The following COL15A1 variants were observed in gnomAD, a reference collection of about 807,000 sequenced individuals.
COL15A1 encodes collagen alpha-1(XV) chain.
Under a neutral mutation model 165.9 loss-of-function variants are expected in COL15A1, and 111 were observed. That is an observed-to-expected ratio of 0.67 (90% CI 0.57 to 0.78). The LOEUF (loss-of-function observed/expected upper bound fraction) is 0.78. Among genes scored for constraint, COL15A1 ranks in the 30% least tolerant of loss-of-function variants. The pLI, the probability that COL15A1 is intolerant of heterozygous loss-of-function variation, is 0.00. For synonymous variants in COL15A1, 659 were observed against 674.8 expected (o/e 0.98, Z 0.36); for missense variants, 1,745 against 1,789.7 (o/e 0.98, Z 0.45).
chr9:98,991,139 A>G (rs924117837), intron 5 of COL15A1, among the ~76,000 whole-genome samples: 2 of 152,198 alleles, frequency 1.3e-5, no homozygotes, highest in Non-Finnish European at 2.9e-5. Context: ...GTGCGGACCC[A>G]AAGACACTAA....
intron 2 of COL15A1, among the ~76,000 whole-genome samples, chr9:98,984,123 C>T (rs751091888): frequency 2.0e-5 from 3 of 152,248 alleles, no homozygotes; most frequent in Non-Finnish European, 4.4e-5. Context: ...CTGATCCTCA[C>T]TCATTCCAGG....
At chr9:99,021,432 T>A (rs1292060014) in intron 12 of COL15A1, among the ~76,000 whole-genome samples, 1 of 152,170 alleles carries the variant, frequency 6.6e-6, no homozygotes, top group African/African-American at 2.4e-5. Context: ...CTCCTTTTGG[T>A]GGATCTGGCC....
At chr9:98,946,085 C>A (rs1355155085) in intron 2 of COL15A1, among the ~76,000 whole-genome samples, 1 of 152,248 alleles carries the variant, frequency 6.6e-6, no homozygotes, top group Non-Finnish European at 1.5e-5. Context: ...TGTAAACTAT[C>A]CTCCTGCAAA....
At chr9:98,978,430 G>T (rs554338393) in intron 2 of COL15A1, among the ~76,000 whole-genome samples, 1 of 152,188 alleles carries the variant, frequency 6.6e-6, no homozygotes, top group African/African-American at 2.4e-5. Context: ...GGAATTTTCC[G>T]AGCAGAAAGA....
chr9:99,049,787 C>A, intron 29 of COL15A1, 29 bp downstream of exon 29: 1 of 1,614,238 alleles, frequency 6.2e-7, no homozygotes, highest in Non-Finnish European at 8.5e-7. Context: ...GGAAGACCTT[C>A]CCGATTGGCC....
intron 10 of COL15A1, 86 bp downstream of exon 10, chr9:99,015,652 G>A (rs891837920): frequency 7.5e-7 from 1 of 1,336,776 alleles, no homozygotes. Flanking sequence ...GCCTTGGCAG[G>A]GGCACCTGTA....
chr9:98,954,751 A>G (rs1001774751), intron 2 of COL15A1, among the ~76,000 whole-genome samples: 4 of 152,188 alleles, frequency 2.6e-5, no homozygotes, highest in African/African-American at 7.2e-5. Flanking sequence ...ATAATAATTT[A>G]TACTCCCTGC....
intron 7 of COL15A1, among the ~76,000 whole-genome samples, chr9:99,002,716 T>C (rs1189660138): frequency 1.3e-5 from 2 of 152,248 alleles, no homozygotes; most frequent in Non-Finnish European, 2.9e-5. Context: ...TAATATATTT[T>C]ATGAAAAAGG....
chr9:99,025,811 C>A, intron 15 of COL15A1, 93 bp from the exon 16 acceptor site: 1 of 1,390,300 alleles, frequency 7.2e-7, no homozygotes, highest in Non-Finnish European at 1.0e-6. Flanking sequence ...CCAGCCTCAC[C>A]TGCCTCCCAA....
At chr9:99,068,199 T>C (rs1243904070) in intron 40 of COL15A1, among the ~76,000 whole-genome samples, 1 of 152,076 alleles carries the variant, frequency 6.6e-6, no homozygotes, top group Non-Finnish European at 1.5e-5. Context: ...AGTGTGGTGG[T>C]GCATGCCTGT....
At chr9:99,041,000 G>T (rs372199189) in intron 23 of COL15A1, 3 of 174,534 alleles carry the variant, frequency 1.7e-5, no homozygotes, top group Non-Finnish European at 3.7e-5. Flanking sequence ...CTCCAGCCCC[G>T]GCTTGGCTGC....
At chr9:99,009,233 A>G (rs1189942565) in intron 9 of COL15A1, among the ~76,000 whole-genome samples, 1 of 152,274 alleles carries the variant, frequency 6.6e-6, no homozygotes, top group African/African-American at 2.4e-5. Flanking sequence ...AAAAGTGTTG[A>G]AACAGTCATA....
At chr9:98,975,122 T>G (rs1588497964) in intron 2 of COL15A1, among the ~76,000 whole-genome samples, 1 of 152,208 alleles carries the variant, frequency 6.6e-6, no homozygotes, top group East Asian at 1.9e-4. Context: ...TCCCGGGGCG[T>G]CCTCAGCCTC....
intron 2 of COL15A1, among the ~76,000 whole-genome samples, chr9:98,979,813 G>C (rs928480037): frequency 6.6e-6 from 1 of 152,090 alleles, no homozygotes; most frequent in African/African-American, 2.4e-5. Context: ...CTGAGTTCAT[G>C]GCCAGCAAAC....
At chr9:99,055,073 G>A (rs370297283) in intron 32 of COL15A1, 29 bp from the exon 33 acceptor site, 5 of 1,587,388 alleles carry the variant, frequency 3.1e-6, no homozygotes, top group South Asian at 1.1e-5. Flanking sequence ...AATTACAATC[G>A]TGAATTTTAC....
chr9:98,953,551 T>A (rs1837725631), intron 2 of COL15A1, among the ~76,000 whole-genome samples: 1 of 151,850 alleles, frequency 6.6e-6, no homozygotes, highest in South Asian at 2.1e-4. Flanking sequence ...ACCAAACCCA[T>A]CCCAACCCAA....
At chr9:99,003,320 G>A in intron 7 of COL15A1, 133 bp from the exon 8 acceptor site, 1 of 658,352 alleles carries the variant, frequency 1.5e-6, no homozygotes, top group Non-Finnish European at 2.4e-6. Context: ...AACCATAGAT[G>A]TGAAAGTCCT....
intron 24 of COL15A1, among the ~76,000 whole-genome samples, chr9:99,043,686 T>C (rs532350037): frequency 1.3e-5 from 2 of 152,282 alleles, no homozygotes; most frequent in South Asian, 4.1e-4. Context: ...CTTGCTTTGA[T>C]GCTACTGTCC....
At chr9:99,021,168 A>G (rs1198152686) in intron 12 of COL15A1, among the ~76,000 whole-genome samples, 2 of 152,152 alleles carry the variant, frequency 1.3e-5, no homozygotes, top group South Asian at 2.1e-4. Flanking sequence ...CATCTCCACC[A>G]TGACCCTGGT....
Sources: allele counts gnomAD v4.1 joint callset (sites outside exome capture counted in the v4.1 genomes callset), GRCh38; gene constraint gnomAD v4.1.1; transcripts MANE v1.5; gene names NCBI Gene and HGNC (gene_info 2026-07-23, HGNC 2026-07-21).